The following SGCZ variants were observed in gnomAD, a reference collection of about 807,000 sequenced individuals.
The protein encoded by SGCZ is zeta-sarcoglycan.
A neutral mutation model predicts 41.3 loss-of-function variants in SGCZ; 40 were observed. The ratio of observed to expected loss-of-function variants is 0.97; its 90% CI spans 0.75 to 1.26. The LOEUF (loss-of-function observed/expected upper bound fraction) is 1.26. SGCZ is among the 50% of genes most tolerant of loss of function. The pLI, the probability that SGCZ is intolerant of heterozygous loss-of-function variation, is 0.00. For missense variants in SGCZ, 552 were observed against 369.8 expected, an observed-to-expected ratio of 1.49 and a Z score of -4.04; for synonymous variants, 206 against 137.5, an observed-to-expected ratio of 1.50 and a Z score of -3.49.
At chr8:14,811,518 CT>C (rs71209087) in intron 1 of SGCZ, among the ~76,000 whole-genome samples, 338 of 49,650 alleles carry the variant, frequency 6.8e-3, no homozygotes, top group African/African-American at 0.022. Flanking sequence ...GACACTGCAT[CT>C]TTTTTTTTTT....
chr8:14,163,500 G>A (rs916979260), intron 5 of SGCZ, among the ~76,000 whole-genome samples: 3 of 152,036 alleles, frequency 2.0e-5, no homozygotes, highest in Non-Finnish European at 2.9e-5. Context: ...GACATTTGCA[G>A]TATCAATATT....
chr8:14,508,982 T>C (rs1196409412), intron 2 of SGCZ, among the ~76,000 whole-genome samples: 4 of 152,156 alleles, frequency 2.6e-5, no homozygotes, highest in African/African-American at 9.6e-5. Flanking sequence ...AAACAAATTA[T>C]ACAAATTCAA....
rs374531047 is a variant in SGCZ, at chr8:14,559,167, A to G, written c.40-4241T>C. On this transcript the variant is annotated intron_variant, in intron 1 of 7. Coordinates refer to ENST00000382080, the MANE Select transcript of SGCZ (RefSeq NM_139167.4). ...AGAAAAAGAAATAAAGGGCATCCAA[A>G]TTGGTAAAGAGAAAGTCAAACTGTC... Among the ~76,000 whole-genome samples, 356 of 152,198 alleles carry G rather than the reference A, an allele frequency of 2.3e-3. 2 individuals are homozygous for G. The highest frequency in any genetic ancestry group is 8.2e-3 in the African/African-American group (340 of 41,536).
At chr8:14,944,462 C>G (rs1237683977) in intron 1 of SGCZ, among the ~76,000 whole-genome samples, 1 of 152,100 alleles carries the variant, frequency 6.6e-6, no homozygotes, top group East Asian at 1.9e-4. Flanking sequence ...TACTGGAAAA[C>G]TTTAAGCTAT....
At chr8:14,606,448 G>A (rs1326739049) in intron 1 of SGCZ, among the ~76,000 whole-genome samples, 2 of 152,080 alleles carry the variant, frequency 1.3e-5, no homozygotes, top group East Asian at 1.9e-4. Context: ...TTCTCACTAT[G>A]TATTAAGTTG....
intron 3 of SGCZ, among the ~76,000 whole-genome samples, chr8:14,282,847 C>CTTTTTTTTTTTTTTTTTTTTTT (rs1168778028): frequency 1.1e-5 from 1 of 89,930 alleles, no homozygotes; most frequent in African/African-American, 4.6e-5. Flanking sequence ...CTTTCAAATA[C>CTTTTTTTTTTTTTTTTTTTTTT]TTTTTTTTTT....
chr8:14,682,725 T>C (rs1814142), intron 1 of SGCZ, among the ~76,000 whole-genome samples: 65,917 of 152,044 alleles, frequency 0.43, 15,891 homozygotes, highest in Non-Finnish European at 0.56. Context: ...TGAGCCACCA[T>C]AAACCATGCA....
At chr8:14,950,644 T>C (rs1257449824) in intron 1 of SGCZ, among the ~76,000 whole-genome samples, 5 of 151,938 alleles carry the variant, frequency 3.3e-5, no homozygotes, top group Non-Finnish European at 5.9e-5. Context: ...AAAAAAATCA[T>C]AGTTCAGAAA....
chr8:14,202,595 G>C (rs1251538440), intron 4 of SGCZ, among the ~76,000 whole-genome samples: 1 of 152,062 alleles, frequency 6.6e-6, no homozygotes, highest in Non-Finnish European at 1.5e-5. Context: ...TCTAAAGCTA[G>C]GTTGGTATGA....
intron 1 of SGCZ, among the ~76,000 whole-genome samples, chr8:14,995,815 C>A (rs544129284): frequency 6.6e-6 from 1 of 152,142 alleles, no homozygotes; most frequent in Non-Finnish European, 1.5e-5. Context: ...ATTAATCTCA[C>A]CAGAAAATAT....
chr8:14,690,322 C>T (rs2117568169), intron 1 of SGCZ: 1 of 152,166 alleles, frequency 6.6e-6, no homozygotes, highest in Admixed American at 6.5e-5. Flanking sequence ...TTACTGATGG[C>T]TTCCCACTCC....
chr8:14,818,106 T>C (rs141795932), intron 1 of SGCZ, among the ~76,000 whole-genome samples: 63 of 152,198 alleles, frequency 4.1e-4, no homozygotes, highest in African/African-American at 1.5e-3. Context: ...AGACCTCCAA[T>C]CTTGCAGTGA....
Position 15,059,336 on chromosome 8 carries a change from G to C in SGCZ, c.39+178249C>G, listed in dbSNP as rs553548351. ...TAGACTAGATCTTACCTCCTAAGGA[G>C]CACATGAACTCAAGTTGGCACTTGT... On this transcript the variant is annotated intron_variant, in intron 1 of 7. Transcript: ENST00000382080. 2.0e-5 allele frequency among the ~76,000 whole-genome samples: 3 copies of C among 152,250 alleles called. No homozygotes were observed. The South Asian group carries it at 6.2e-4, about 32-fold the overall frequency.
chr8:14,974,140 T>C (rs961053769), intron 1 of SGCZ, among the ~76,000 whole-genome samples: 2 of 152,244 alleles, frequency 1.3e-5, no homozygotes, highest in South Asian at 4.1e-4. Context: ...CCTATAATTG[T>C]TGGAGTCATG....
intron 1 of SGCZ, among the ~76,000 whole-genome samples, chr8:15,005,354 G>A (rs1802574160): frequency 1.0e-5 from 1 of 99,454 alleles, no homozygotes; most frequent in Admixed American, 1.1e-4. Context: ...TTTTTGACAT[G>A]GAGTTTCATT....
chr8:14,230,148 A>G (rs1421322135), intron 4 of SGCZ, among the ~76,000 whole-genome samples: 4 of 152,110 alleles, frequency 2.6e-5, no homozygotes, highest in African/African-American at 9.6e-5. Context: ...CGTAAGGACC[A>G]GTAGATTCAT....
chr8:14,483,938 A>T (rs1410011409), intron 2 of SGCZ, among the ~76,000 whole-genome samples: 2 of 152,140 alleles, frequency 1.3e-5, no homozygotes, highest in African/African-American at 2.4e-5. Flanking sequence ...TGCTGACTAC[A>T]TGGATTAAAG....
At chr8:15,104,494 A>C (rs1806742056) in intron 1 of SGCZ, among the ~76,000 whole-genome samples, 1 of 152,226 alleles carries the variant, frequency 6.6e-6, no homozygotes, top group Non-Finnish European at 1.5e-5. Flanking sequence ...GTATTTCCAA[A>C]AGTTTAAAAA....
At chr8:15,118,782 C>T (rs1044462003) in intron 1 of SGCZ, among the ~76,000 whole-genome samples, 4 of 152,030 alleles carry the variant, frequency 2.6e-5, no homozygotes, top group Non-Finnish European at 4.4e-5. Flanking sequence ...AAAATTATGA[C>T]AGGTTATTTT....
Sources: gnomAD v4.1 joint callset for allele counts (sites outside exome capture counted in the v4.1 genomes callset) on GRCh38, gnomAD v4.1.1 for gene constraint, MANE v1.5 for transcripts, NCBI Gene and HGNC (gene_info 2026-07-23, HGNC 2026-07-21) for gene names.